SFMBT1: variants seen among roughly 807,000 people sequenced by gnomAD.
SFMBT1 encodes the protein Scm like with four mbt domains 1, also known as scm-like with four MBT domains protein 1.
A neutral mutation model predicts 108.7 loss-of-function variants in SFMBT1; 32 were observed. The ratio of observed to expected loss-of-function variants is 0.29; its 90% CI spans 0.22 to 0.40. The LOEUF (loss-of-function observed/expected upper bound fraction) is 0.40, where lower values mean the gene tolerates loss of function less well. Ranked by LOEUF, SFMBT1 falls within the 10% of genes least tolerant of loss-of-function variation. SFMBT1 has a pLI of 1.00. For synonymous variants in SFMBT1, 348 were observed against 369.5 expected (o/e 0.94, Z 0.67); for missense variants, 816 against 1,059.6 (o/e 0.77, Z 3.19).
At chr3:53,028,988 C>G (rs1409158267) in intron 1 of SFMBT1, among the ~76,000 whole-genome samples, 2 of 151,954 alleles carry the variant, frequency 1.3e-5, no homozygotes, top group Non-Finnish European at 2.9e-5. Context: ...CTGACTAACA[C>G]GGTGAAACCC....
At position 52,905,354 on chromosome 3, in the gene SFMBT1, T is replaced by C. The variant is rs1442572830; in HGVS notation, c.2461-78A>G. 5 of 1,459,610 alleles carry C rather than the reference T, an allele frequency of 3.4e-6. No homozygotes were observed. In the African/African-American group the frequency reaches 5.7e-5, roughly 17 times the overall value. The allele number at this position is 1,459,610 out of a possible 1,614,324, so 90.4% of individuals were successfully genotyped here. On this transcript the variant is annotated intron_variant, in intron 20 of 20. Transcript: ENST00000394752. ...TGATCATGACAGCCTCTCCTCACTT[T>C]AGCTCTGTCAAAACTGGAATCCCTA...
At chr3:52,985,689 G>A (rs923033019) in intron 1 of SFMBT1, among the ~76,000 whole-genome samples, 2 of 152,086 alleles carry the variant, frequency 1.3e-5, no homozygotes, top group African/African-American at 4.8e-5. Context: ...GTATACTTAC[G>A]CAAACCTAGA....
chr3:52,939,261 T>C (rs1353511059), intron 4 of SFMBT1, among the ~76,000 whole-genome samples: 1 of 152,210 alleles, frequency 6.6e-6, no homozygotes, highest in Non-Finnish European at 1.5e-5. Flanking sequence ...AGGCCTCTTT[T>C]ATTTCTGTAA....
intron 20 of SFMBT1, among the ~76,000 whole-genome samples, 164 bp from the exon 21 acceptor site, chr3:52,905,440 T>C (rs1232308491): frequency 2.0e-5 from 3 of 152,228 alleles, no homozygotes; most frequent in Admixed American, 1.3e-4. Flanking sequence ...AGTGACTCCA[T>C]AGTCTTCCAC....
At chr3:52,915,900 G>A (rs1427042255) in intron 14 of SFMBT1, among the ~76,000 whole-genome samples, 1 of 152,212 alleles carries the variant, frequency 6.6e-6, no homozygotes, top group African/African-American at 2.4e-5. Context: ...TTGGCCTTCT[G>A]AGCCGTTGGC....
chr3:53,008,187 A>G (rs1026105020), intron 1 of SFMBT1, among the ~76,000 whole-genome samples: 1 of 152,138 alleles, frequency 6.6e-6, no homozygotes, highest in African/African-American at 2.4e-5. Flanking sequence ...TAATGTGTCA[A>G]TGTTAATTTC....
intron 1 of SFMBT1, among the ~76,000 whole-genome samples, chr3:53,012,692 G>A (rs60648378): frequency 0.044 from 6,676 of 151,612 alleles, 591 homozygotes; most frequent in South Asian, 0.18. Context: ...GTGAGCCACC[G>A]CGCCCGGCCG....
chr3:53,035,195 CCCGGCCAAA>C (rs1699829717), intron 1 of SFMBT1, among the ~76,000 whole-genome samples: 2 of 150,224 alleles, frequency 1.3e-5, no homozygotes, highest in African/African-American at 4.9e-5. Flanking sequence ...TTGGACTTTA[CCCGGCCAAA>C]TGTGGGATTT....
At chr3:52,906,748 A>G (rs926133484) in intron 19 of SFMBT1, among the ~76,000 whole-genome samples, 1 of 152,244 alleles carries the variant, frequency 6.6e-6, no homozygotes, top group East Asian at 1.9e-4. Flanking sequence ...AACCATATAT[A>G]TTATGAAACA....
At chr3:52,910,925 T>C (rs1702198721) in intron 17 of SFMBT1, 78 bp downstream of exon 17, 7 of 1,337,386 alleles carry the variant, frequency 5.2e-6, no homozygotes, top group Admixed American at 1.7e-5. Context: ...TATATGAATG[T>C]CTGTAAAGTA....
Position 52,986,774 on chromosome 3 carries a change from CA to C in SFMBT1, c.-130-17517del, listed in dbSNP as rs57437185. ...CTGGTGACAGAGCAAGACTCTGTCTCAAAAAAAAAAAAAAAATTAGCAGGGT... is the reference window on the plus strand; with the variant it reads ...CTGGTGACAGAGCAAGACTCTGTCTCAAAAAAAAAAAAAAATTAGCAGGGT... On this transcript the variant is annotated intron_variant, in intron 1 of 20. Coordinates refer to ENST00000394752, the MANE Select transcript of SFMBT1 (RefSeq NM_016329.4). Among the ~76,000 whole-genome samples, 18 of 70,804 alleles carry C rather than the reference CA, an allele frequency of 2.5e-4. 1 individual carries two copies. The highest frequency in any genetic ancestry group is 8.1e-4 in the African/African-American group (15 of 18,458). 46.5% of individuals were successfully genotyped at this position (70,804 alleles called of 152,430 possible).
chr3:52,979,167 C>G (rs1474082225), intron 1 of SFMBT1, among the ~76,000 whole-genome samples: 1 of 151,422 alleles, frequency 6.6e-6, no homozygotes, highest in African/African-American at 2.4e-5. Context: ...TTTTAAATAA[C>G]ATTTCAAATA....
chr3:52,975,599 G>T (rs1398472817), intron 1 of SFMBT1, among the ~76,000 whole-genome samples: 1 of 152,108 alleles, frequency 6.6e-6, no homozygotes, highest in Non-Finnish European at 1.5e-5. Flanking sequence ...AGGAAGCTGA[G>T]AATTTTTTTG....
intron 14 of SFMBT1, 75 bp downstream of exon 14, chr3:52,916,075 T>C: frequency 3.1e-6 from 4 of 1,275,764 alleles, no homozygotes; most frequent in Non-Finnish European, 3.4e-6. Flanking sequence ...AAATGTACTG[T>C]TTTAAGTTAT....
intron 1 of SFMBT1, among the ~76,000 whole-genome samples, chr3:52,979,056 T>TA (rs1326390116): frequency 6.6e-6 from 1 of 152,088 alleles, no homozygotes; most frequent in East Asian, 1.9e-4. Flanking sequence ...ATTCTGTGAA[T>TA]AAAAAAACTG....
At chr3:53,038,989 T>C (rs1269298190) in intron 1 of SFMBT1, among the ~76,000 whole-genome samples, 3 of 152,212 alleles carry the variant, frequency 2.0e-5, no homozygotes. Context: ...CACAGTAAGA[T>C]GGCATCCTGA....
intron 1 of SFMBT1, among the ~76,000 whole-genome samples, chr3:53,040,013 G>T (rs181622775): frequency 2.0e-5 from 3 of 152,268 alleles, no homozygotes; most frequent in African/African-American, 7.2e-5. Flanking sequence ...AAGTCAAAAT[G>T]AGACCAAAAG....
intron 1 of SFMBT1, among the ~76,000 whole-genome samples, chr3:53,035,888 C>T (rs1332370770): frequency 1.3e-5 from 2 of 152,202 alleles, no homozygotes; most frequent in Non-Finnish European, 2.9e-5. Context: ...CAACCGCACC[C>T]GGCCAGAGAC....
At chr3:52,964,269 G>T (rs1208344320) in intron 2 of SFMBT1, among the ~76,000 whole-genome samples, 1 of 152,208 alleles carries the variant, frequency 6.6e-6, no homozygotes, top group Non-Finnish European at 1.5e-5. Context: ...CCAGCAATTT[G>T]GGAGGCTGAG....
Sources: allele counts gnomAD v4.1 joint callset (sites outside exome capture counted in the v4.1 genomes callset), GRCh38; gene constraint gnomAD v4.1.1; transcripts MANE v1.5; gene names NCBI Gene and HGNC (gene_info 2026-07-23, HGNC 2026-07-21).